PCDHGB5: variants seen among roughly 807,000 people sequenced by gnomAD.
PCDHGB5 encodes protocadherin gamma-B5.
Under a neutral mutation model 62.9 loss-of-function variants are expected in PCDHGB5, and 48 were observed. That is an observed-to-expected ratio of 0.76 (90% CI 0.61 to 0.97). The LOEUF (loss-of-function observed/expected upper bound fraction) is 0.97, where lower values mean the gene tolerates loss of function less well. Among genes scored for constraint, PCDHGB5 ranks in the 50% least tolerant of loss-of-function variants. The probability of loss-of-function intolerance (pLI) is 0.00; values close to 1 mark genes in which losing one functional copy is unlikely to be tolerated. For missense variants in PCDHGB5, 1,118 were observed against 1,198.6 expected, an observed-to-expected ratio of 0.93 and a Z score of 0.99; for synonymous variants, 474 against 511.2, an observed-to-expected ratio of 0.93 and a Z score of 0.98.
chr5:141,487,670 T>A lies in PCDHGB5; in HGVS notation c.2398-7137T>A. The A allele has an allele frequency of 6.2e-7, 1 of 1,612,302 alleles. No homozygotes were observed. Among genetic ancestry groups the A allele is most frequent in the Non-Finnish European group, 8.5e-7 (1 of 1,179,082 alleles). ...TGAGGGTTATTCTGATCCAGGCATA[T>A]GGCTAGGCCATGTCCTAGAGAGTAC... On this transcript the variant is annotated intron_variant, in intron 1 of 3. Transcript: ENST00000617380. This position sits in a 1 kb window ranked among gnomAD's most constrained non-coding sequence, Gnocchi z 5.0.
chr5:141,401,408 A>T (rs943963302), intron 1 of PCDHGB5, among the ~76,000 whole-genome samples: 9 of 152,200 alleles, frequency 5.9e-5, no homozygotes, highest in African/African-American at 1.7e-4. Context: ...TATGAGAGAG[A>T]AAGAGAGAGA....
chr5:141,442,006 G>A (rs540427406), intron 1 of PCDHGB5: 77 of 229,074 alleles, frequency 3.4e-4, no homozygotes, highest in African/African-American at 1.6e-3. Context: ...CTGACAGCTC[G>A]CACGATGGGC....
At chr5:141,404,924 G>A in intron 1 of PCDHGB5, 1 of 1,613,908 alleles carries the variant, frequency 6.2e-7, no homozygotes, top group South Asian at 1.1e-5. Flanking sequence ...CTCGGCCACT[G>A]TCACGCTCAC....
At position 141,432,942 on chromosome 5, in the gene PCDHGB5, C is replaced by G. The variant is rs1346694514; in HGVS notation, c.2397+32418C>G. ...CACAAGTCACGCCTGCTGCAGGCTT[C>G]AGGAGGCGGCTTGACAGGAGCGCCG... On this transcript the variant is annotated intron_variant, in intron 1 of 3. Coordinates refer to ENST00000617380, the MANE Select transcript of PCDHGB5 (RefSeq NM_018925.3). The surrounding 1 kb of genome is among the most constrained non-coding windows in gnomAD (Gnocchi z 6.0). The G allele has an allele frequency of 1.2e-6, 2 of 1,614,190 alleles. No individual in the cohort carries two copies. Among genetic ancestry groups the G allele is most frequent in the Non-Finnish European group, 1.7e-6 (2 of 1,180,036 alleles).
intron 2 of PCDHGB5, among the ~76,000 whole-genome samples, chr5:141,500,184 TTTTATTTA>T (rs58019021): frequency 0.099 from 13,469 of 135,812 alleles, 757 homozygotes; most frequent in African/African-American, 0.15. Context: ...TCATTTTTAT[TTTTATTTA>T]TTTATTTATT....
Position 141,410,843 on chromosome 5 carries a change from CTT to C in PCDHGB5, c.2397+10321_2397+10322del, listed in dbSNP as rs1452086070. 5.3e-4 allele frequency: 115 copies of C among 216,326 alleles called. 1 individual carries two copies. In the East Asian group the frequency reaches 7.7e-3, roughly 14 times the overall value. 13.4% of individuals were successfully genotyped at this position (216,326 alleles called of 1,614,324 possible). A position where few individuals can be genotyped will look rare whatever the true frequency, so the allele number is the denominator to read the frequency against. The stretch of plus-strand genomic sequence containing the variant: ...TGTCACCAGACTGAAGATATTTTGT[CTT>C]TGTCTTTTTTTTTTTTTTTTTTTTT... On this transcript the variant is annotated intron_variant, in intron 1 of 3. Transcript: ENST00000617380.
chr5:141,496,943 T>C (rs1023861484), intron 2 of PCDHGB5, among the ~76,000 whole-genome samples: 2 of 151,258 alleles, frequency 1.3e-5, no homozygotes, highest in African/African-American at 2.4e-5. Flanking sequence ...CCCAGCACTT[T>C]GGGAGGCCAA....
chr5:141,441,041 C>T (rs2098220628), intron 1 of PCDHGB5: 1 of 152,152 alleles, frequency 6.6e-6, no homozygotes, highest in African/African-American at 2.4e-5. Context: ...ACTTTAAGTA[C>T]ATTGGACTTT....
At position 141,491,904 on chromosome 5, in the gene PCDHGB5, G is replaced by C; in HGVS notation, c.2398-2903G>C. The C allele has an allele frequency of 7.0e-7, 1 of 1,423,838 alleles. No individual in the cohort carries two copies. The allele number at this position is 1,423,838 out of a possible 1,614,324, so 88.2% of individuals were successfully genotyped here. ...GGATGGGGCTCCGAGCACCGGGGGT[G>C]GTGGCGACTGTGGGCGAGGGGAGGT... On this transcript the variant is annotated intron_variant, in intron 1 of 3. Coordinates refer to ENST00000617380, the MANE Select transcript of PCDHGB5 (RefSeq NM_018925.3). This position sits in a 1 kb window ranked among gnomAD's most constrained non-coding sequence, Gnocchi z 6.9.
At position 141,431,307 on chromosome 5, in the gene PCDHGB5, A is replaced by G. The variant is rs1332508283; in HGVS notation, c.2397+30783A>G. On this transcript the variant is annotated intron_variant, in intron 1 of 3. Transcript: ENST00000617380. This position sits in a 1 kb window ranked among gnomAD's most constrained non-coding sequence, Gnocchi z 4.8. ...AACACTCACTTCTCCCTCATCGTGC[A>G]AAATGGAGCCGACGGTAGTAAGTAC... 3.7e-6 allele frequency: 6 copies of G among 1,614,002 alleles called. No homozygotes were observed. The African/African-American group carries it at 4.0e-5, about 11-fold the overall frequency.
intron 1 of PCDHGB5, among the ~76,000 whole-genome samples, chr5:141,426,115 G>A (rs574477590): frequency 4.6e-5 from 7 of 152,364 alleles, no homozygotes; most frequent in South Asian, 2.1e-4. Flanking sequence ...GAAGCAAGTC[G>A]GAGAGTGGCC....
intron 1 of PCDHGB5, among the ~76,000 whole-genome samples, chr5:141,460,365 A>G (rs887924740): frequency 6.6e-6 from 1 of 152,180 alleles, no homozygotes; most frequent in African/African-American, 2.4e-5. Context: ...TAGAAGTTTT[A>G]TAGTTTTACC....
At chr5:141,421,565 A>G (rs1373619696) in intron 1 of PCDHGB5, 1 of 1,613,952 alleles carries the variant, frequency 6.2e-7, no homozygotes, top group Admixed American at 1.7e-5. Context: ...CTCGTGGAAG[A>G]CACCTTGAAG....
At chr5:141,407,956 A>G (rs2095008608) in intron 1 of PCDHGB5, 1 of 645,868 alleles carries the variant, frequency 1.5e-6, no homozygotes, top group African/African-American at 1.8e-5. Flanking sequence ...CGGCCAGTGC[A>G]GAGCAAGCGC....
intron 1 of PCDHGB5, chr5:141,415,577 C>G (rs776744277): frequency 2.5e-6 from 4 of 1,613,744 alleles, no homozygotes; most frequent in South Asian, 2.2e-5. Flanking sequence ...TTAGATGATT[C>G]GAAGTTTCCT....
intron 1 of PCDHGB5, among the ~76,000 whole-genome samples, chr5:141,484,369 G>A (rs1218433750): frequency 6.6e-6 from 1 of 152,164 alleles, no homozygotes; most frequent in Non-Finnish European, 1.5e-5. Flanking sequence ...TGTATCACTA[G>A]CAAATGTCTG....
Position 141,408,609 on chromosome 5 carries a change from A to T in PCDHGB5, c.2397+8085A>T, listed in dbSNP as rs765291231. 3 of 1,613,970 alleles carry T rather than the reference A, an allele frequency of 1.9e-6. No homozygotes were observed. The highest frequency in any genetic ancestry group is 2.5e-6 in the Non-Finnish European group (3 of 1,179,916). On this transcript the variant is annotated intron_variant, in intron 1 of 3. Coordinates refer to ENST00000617380, the MANE Select transcript of PCDHGB5 (RefSeq NM_018925.3). ...GACCACGCCCCTCAATTTGATAAAA[A>T]GGAAATACATTTAGAAATTTTCGAA...
At chr5:141,422,900 A>G (rs2096684887) in intron 1 of PCDHGB5, 2 of 1,614,220 alleles carry the variant, frequency 1.2e-6, no homozygotes, top group South Asian at 2.2e-5. Flanking sequence ...GACCAGAACG[A>G]CAATGCGCCC....
chr5:141,407,088 GT>G lies in PCDHGB5; in HGVS notation c.2397+6568del, dbSNP rs571130014. Among the ~76,000 whole-genome samples, 18 of 152,174 alleles carry G rather than the reference GT, an allele frequency of 1.2e-4. No individual in the cohort carries two copies. The East Asian group carries it at 3.5e-3, about 29-fold the overall frequency. On this transcript the variant is annotated intron_variant, in intron 1 of 3. Coordinates refer to ENST00000617380, the MANE Select transcript of PCDHGB5 (RefSeq NM_018925.3). ...GGCATTTCTGTGGAAATGAAGAATT[GT>G]TTTATTTGTTTGTAATTATTTGGGT...
Sources: gnomAD v4.1 joint callset for allele counts (sites outside exome capture counted in the v4.1 genomes callset) on GRCh38, gnomAD v4.1.1 for gene constraint, Gnocchi (gnomAD v3.1) non-coding constraint, MANE v1.5 for transcripts, NCBI Gene and HGNC (gene_info 2026-07-23, HGNC 2026-07-21) for gene names.